Variants in STAG1 observed in about 807,000 individuals in gnomAD.
STAG1 encodes STAG1 cohesin complex component.
A neutral mutation model predicts 170.9 loss-of-function variants in STAG1; 26 were observed. That is an observed-to-expected ratio of 0.15 (90% CI 0.11 to 0.21). The LOEUF (loss-of-function observed/expected upper bound fraction) is 0.21. Among genes scored for constraint, STAG1 ranks in the 10% least tolerant of loss-of-function variants. The pLI, the probability that STAG1 is intolerant of heterozygous loss-of-function variation, is 1.00. For synonymous variants in STAG1, 514 were observed against 497.7 expected (o/e 1.03, Z -0.44); for missense variants, 964 against 1,509.5 (o/e 0.64, Z 5.99).
intron 14 of STAG1, among the ~76,000 whole-genome samples, chr3:136,450,950 T>C (rs1320835971): frequency 2.0e-5 from 3 of 152,098 alleles, no homozygotes; most frequent in African/African-American, 7.2e-5. Context: ...ACTTTTGCTA[T>C]ATTAGCCAGG....
intron 1 of STAG1, among the ~76,000 whole-genome samples, chr3:136,749,865 C>G (rs1935136751): frequency 6.6e-6 from 1 of 151,294 alleles, no homozygotes; most frequent in African/African-American, 2.4e-5. Flanking sequence ...CCTATGGAAG[C>G]TGAAATAATT....
intron 1 of STAG1, among the ~76,000 whole-genome samples, chr3:136,634,613 GAA>G (rs71157395): frequency 5.9e-4 from 67 of 112,864 alleles, no homozygotes; most frequent in African/African-American, 1.3e-3. Context: ...AGCTTTTAGG[GAA>G]AAAAAAAAAA....
At chr3:136,397,367 C>T (rs1195964089) in intron 22 of STAG1, among the ~76,000 whole-genome samples, 1 of 152,082 alleles carries the variant, frequency 6.6e-6, no homozygotes, top group African/African-American at 2.4e-5. Context: ...CAAGTTCCTT[C>T]AGAAGATATT....
At chr3:136,344,604 T>A (rs1936138186) in intron 29 of STAG1, among the ~76,000 whole-genome samples, 1 of 152,010 alleles carries the variant, frequency 6.6e-6, no homozygotes, top group African/African-American at 2.4e-5. Context: ...ACCCCCCACT[T>A]ACCATTCTTT....
intron 1 of STAG1, among the ~76,000 whole-genome samples, chr3:136,644,037 T>C (rs890840689): frequency 7.2e-5 from 11 of 152,344 alleles, no homozygotes; most frequent in South Asian, 4.1e-4. Flanking sequence ...ACCATAATCA[T>C]GTTGTGAGCA....
chr3:136,633,141 A>G (rs1355607642), intron 1 of STAG1, among the ~76,000 whole-genome samples: 2 of 152,132 alleles, frequency 1.3e-5, no homozygotes, highest in Admixed American at 6.6e-5. Context: ...CAAAATGTCC[A>G]TTTTTTTAAT....
intron 1 of STAG1, among the ~76,000 whole-genome samples, chr3:136,635,915 C>T (rs753758867): frequency 6.6e-6 from 1 of 152,066 alleles, no homozygotes; most frequent in Non-Finnish European, 1.5e-5. Context: ...CAACAAAATA[C>T]GTAGAATCTA....
intron 1 of STAG1, among the ~76,000 whole-genome samples, chr3:136,714,953 A>ATATATATTTTATATATATATTTT (rs1553770534): frequency 3.3e-5 from 3 of 91,018 alleles, no homozygotes; most frequent in South Asian, 3.5e-4. Flanking sequence ...ATATATATAT[A>ATATATATTTTATATATATATTTT]TATATATATA....
intron 6 of STAG1, among the ~76,000 whole-genome samples, chr3:136,540,846 A>AAAAAAC (rs1935859664): frequency 6.9e-6 from 1 of 143,952 alleles, no homozygotes; most frequent in Non-Finnish European, 1.5e-5. Context: ...AAAAAAAAAA[A>AAAAAAC]AAAAAACCTA....
intron 21 of STAG1, among the ~76,000 whole-genome samples, chr3:136,406,550 G>C (rs1431036819): frequency 6.6e-6 from 1 of 152,030 alleles, no homozygotes; most frequent in Non-Finnish European, 1.5e-5. Flanking sequence ...CATTTTTATT[G>C]TATAATAATT....
At position 136,454,447 on chromosome 3, in the gene STAG1, C is replaced by G. The variant is rs374683623; in HGVS notation, c.1314-2300G>C. Among the ~76,000 whole-genome samples the G allele has an allele frequency of 3.9e-5, 6 of 151,998 alleles. No individual in the cohort carries two copies. The East Asian group carries it at 1.2e-3, about 29-fold the overall frequency. On this transcript the variant is annotated intron_variant, in intron 13 of 33. Transcript: ENST00000383202. ...TGGCTGGACGGCAATGGCATGATCT[C>G]TGCTTACTGCAACCTCCGCCTCCTG... is the stretch of plus-strand genomic sequence containing the variant.
chr3:136,634,617 A>G (rs1248352679), intron 1 of STAG1, among the ~76,000 whole-genome samples: 1 of 151,674 alleles, frequency 6.6e-6, no homozygotes, highest in Admixed American at 6.6e-5. Context: ...TTTAGGGAAA[A>G]AAAAAAAAAA....
At chr3:136,635,970 G>A (rs1256208259) in intron 1 of STAG1, among the ~76,000 whole-genome samples, 3 of 152,096 alleles carry the variant, frequency 2.0e-5, no homozygotes, top group South Asian at 2.1e-4. Context: ...TCCAGAGGCC[G>A]GGCACCATGG....
chr3:136,616,084 C>T (rs1372820927), intron 3 of STAG1, among the ~76,000 whole-genome samples: 1 of 151,796 alleles, frequency 6.6e-6, no homozygotes. Flanking sequence ...CTGGTTAACA[C>T]GGTGAAACCC....
intron 3 of STAG1, among the ~76,000 whole-genome samples, chr3:136,621,992 G>GAAAA (rs11360539): frequency 1.6e-5 from 2 of 121,444 alleles, no homozygotes; most frequent in African/African-American, 3.1e-5. Context: ...TGGTGGTGTG[G>GAAAA]AAAAAAAAAA....
intron 5 of STAG1, among the ~76,000 whole-genome samples, chr3:136,560,667 C>A (rs569257683): frequency 4.9e-4 from 75 of 152,258 alleles, no homozygotes; most frequent in Non-Finnish European, 3.2e-4. Flanking sequence ...TTCACTCCAG[C>A]TGGTTCAAAT....
In STAG1 at chr3:136,495,696, C is replaced by T. The variant is rs936803823; in HGVS notation, c.902+4527G>A. ...AAAAATACAAAATTAGGGCCGGGCACGGTGGCTCATACCTATAATTCCAGC... is the reference window on the plus strand; with the variant it reads ...AAAAATACAAAATTAGGGCCGGGCATGGTGGCTCATACCTATAATTCCAGC... On this transcript the variant is annotated intron_variant, in intron 9 of 33. Coordinates refer to ENST00000383202, the MANE Select transcript of STAG1 (RefSeq NM_005862.3). 9.9e-5 allele frequency among the ~76,000 whole-genome samples: 15 copies of T among 151,966 alleles called. 1 individual carries two copies. The South Asian group carries it at 1.9e-3, about 19-fold the overall frequency.
Position 136,406,894 on chromosome 3 carries a change from A to C in STAG1, c.2197-8065T>G, listed in dbSNP as rs141827547. ...ATACGAAGCAGGCTAATGCACATTA[A>C]TCCTTGGCAATTCAAGACTCTGAAA... On this transcript the variant is annotated intron_variant, in intron 21 of 33. Coordinates refer to ENST00000383202, the MANE Select transcript of STAG1 (RefSeq NM_005862.3). 5.4e-3 allele frequency among the ~76,000 whole-genome samples: 830 copies of C among 152,376 alleles called. 9 individuals carry two copies. Among genetic ancestry groups the C allele is most frequent in the African/African-American group, 0.018 (769 of 41,586 alleles).
chr3:136,460,951 C>T (rs577598815), intron 13 of STAG1, among the ~76,000 whole-genome samples: 22 of 152,180 alleles, frequency 1.4e-4, no homozygotes, highest in Non-Finnish European at 2.1e-4. Context: ...AACTACCAAA[C>T]CAAATTTAAC....
Sources: gnomAD v4.1 joint callset for allele counts (sites outside exome capture counted in the v4.1 genomes callset) on GRCh38, gnomAD v4.1.1 for gene constraint, MANE v1.5 for transcripts, NCBI Gene and HGNC (gene_info 2026-07-23, HGNC 2026-07-21) for gene names.